KIF26B: variants seen among roughly 807,000 people sequenced by gnomAD.
KIF26B encodes kinesin family member 26B.
KIF26B carries 63 observed loss-of-function variants against 151.2 expected under a neutral mutation model. The ratio of observed to expected loss-of-function variants is 0.42; its 90% CI spans 0.34 to 0.51. The LOEUF is 0.51. Among genes scored for constraint, KIF26B ranks in the 20% least tolerant of loss-of-function variants. The probability of loss-of-function intolerance (pLI) is 0.07; values close to 1 mark genes in which losing one functional copy is unlikely to be tolerated. For synonymous variants in KIF26B, 1,357 were observed against 1,262.1 expected, an observed-to-expected ratio of 1.08 and a Z score of -1.59; for missense variants, 2,813 against 2,913.6, an observed-to-expected ratio of 0.97 and a Z score of 0.79.
intron 3 of KIF26B, among the ~76,000 whole-genome samples, chr1:245,417,595 A>T (rs560945274): frequency 2.1e-4 from 32 of 152,344 alleles, no homozygotes; most frequent in African/African-American, 7.7e-4. Context: ...GATTCTTTAA[A>T]ATTAGGAGAA....
chr1:245,338,926 G>A (rs945898076), intron 2 of KIF26B, among the ~76,000 whole-genome samples: 14 of 151,826 alleles, frequency 9.2e-5, no homozygotes, highest in Middle Eastern at 3.2e-3. Context: ...ATTGGTACTA[G>A]AAGTTGACTG....
Position 245,156,698 on chromosome 1 carries a change from G to T in KIF26B, c.465+15G>T, listed in dbSNP as rs1668442680. ...TCCCGGGCAAGGTGAGCGCCGCGCGGGGCTGGCTGGGGAGGCGCCGGGAGG... is the reference window on the plus strand; with the variant it reads ...TCCCGGGCAAGGTGAGCGCCGCGCGTGGCTGGCTGGGGAGGCGCCGGGAGG... On this transcript the variant is annotated intron_variant, in intron 2 of 14. Transcript: ENST00000407071. 1 of 1,438,986 alleles carries T rather than the reference G, an allele frequency of 6.9e-7. No individual in the cohort carries two copies. Among genetic ancestry groups the T allele is most frequent in the Admixed American group, 2.8e-5 (1 of 36,316 alleles). The allele number at this position is 1,438,986 out of a possible 1,614,324, so 89.1% of individuals were successfully genotyped here.
intron 3 of KIF26B, among the ~76,000 whole-genome samples, chr1:245,413,568 C>T (rs569126304): frequency 6.6e-6 from 1 of 152,272 alleles, no homozygotes; most frequent in South Asian, 2.1e-4. Flanking sequence ...GAGGCTGAGG[C>T]GGGAGAATCG....
intron 2 of KIF26B, among the ~76,000 whole-genome samples, chr1:245,252,740 T>G (rs1670467043): frequency 6.6e-6 from 1 of 152,102 alleles, no homozygotes; most frequent in Admixed American, 6.5e-5. Flanking sequence ...TGACTTTTCT[T>G]GTCATATTCT....
At chr1:245,171,332 G>A (rs1044014306) in intron 2 of KIF26B, among the ~76,000 whole-genome samples, 3 of 152,002 alleles carry the variant, frequency 2.0e-5, no homozygotes, top group South Asian at 2.1e-4. Flanking sequence ...TCACGATGTC[G>A]GGAGTTCGAA....
chr1:245,707,403 C>T lies in KIF26B; in HGVS notation c.*4797C>T, dbSNP rs1361790470. On this transcript the variant is annotated 3_prime_UTR_variant, in exon 15 of 15. Transcript: ENST00000407071. Reference sequence around the variant, plus strand: ...ACTAAAAAAGGTTCCTTCTTTCATTCCCTATCCTGCTAACAGCCCACATTG... The same window carrying T: ...ACTAAAAAAGGTTCCTTCTTTCATTTCCTATCCTGCTAACAGCCCACATTG... 2 of 152,228 alleles carry T rather than the reference C, an allele frequency of 1.3e-5. No individual in the cohort carries two copies. Among genetic ancestry groups the T allele is most frequent in the African/African-American group, 2.4e-5 (1 of 41,460 alleles). 9.4% of individuals were successfully genotyped at this position (152,228 alleles called of 1,614,324 possible).
rs570168790 is a variant in KIF26B, at chr1:245,591,968, C to G, written c.1351-10609C>G. On this transcript the variant is annotated intron_variant, in intron 5 of 14. Transcript: ENST00000407071. ...TGGTTTCAACTCCCTCCCTCCAGCGCGCAGTCCCTTGCCGGGCTTGCCTGG... is the reference window on the plus strand; with the variant it reads ...TGGTTTCAACTCCCTCCCTCCAGCGGGCAGTCCCTTGCCGGGCTTGCCTGG... 2.0e-5 allele frequency among the ~76,000 whole-genome samples: 3 copies of G among 152,316 alleles called. No homozygotes were observed. In the East Asian group the frequency reaches 5.8e-4, roughly 29 times the overall value.
intron 5 of KIF26B, among the ~76,000 whole-genome samples, chr1:245,567,971 G>A (rs978055423): frequency 6.6e-6 from 1 of 151,846 alleles, no homozygotes; most frequent in Admixed American, 6.6e-5. Context: ...ATCACCTGCG[G>A]TCTGGAGTTC....
At chr1:245,605,990 T>C (rs570597988) in intron 6 of KIF26B, among the ~76,000 whole-genome samples, 1 of 152,306 alleles carries the variant, frequency 6.6e-6, no homozygotes, top group South Asian at 2.1e-4. Context: ...CATCCCACTT[T>C]ATGTCCAAAG....
At chr1:245,452,284 A>C (rs1461487533) in intron 4 of KIF26B, among the ~76,000 whole-genome samples, 1 of 152,248 alleles carries the variant, frequency 6.6e-6, no homozygotes, top group African/African-American at 2.4e-5. Context: ...GTATGGCTGA[A>C]TAACAGCATA....
chr1:245,332,272 T>C (rs1439656890), intron 2 of KIF26B, among the ~76,000 whole-genome samples: 1 of 152,174 alleles, frequency 6.6e-6, no homozygotes, highest in African/African-American at 2.4e-5. Context: ...CAACCTCTCT[T>C]TGAACTGTTG....
At chr1:245,444,149 C>A (rs192917510) in intron 4 of KIF26B, among the ~76,000 whole-genome samples, 7 of 108,076 alleles carry the variant, frequency 6.5e-5, no homozygotes, top group African/African-American at 2.0e-4. Flanking sequence ...TCACCTAGAG[C>A]GGTCATCTCC....
chr1:245,416,510 C>T (rs1012335865), intron 3 of KIF26B, among the ~76,000 whole-genome samples: 1 of 152,118 alleles, frequency 6.6e-6, no homozygotes, highest in African/African-American at 2.4e-5. Context: ...GACCTAGAGA[C>T]CTGGGGCTTT....
At chr1:245,450,513 G>A (rs1193861380) in intron 4 of KIF26B, among the ~76,000 whole-genome samples, 1 of 152,232 alleles carries the variant, frequency 6.6e-6, no homozygotes, top group Admixed American at 6.5e-5. Flanking sequence ...TGTCCAGCCA[G>A]CCTGCGGCTG....
intron 9 of KIF26B, among the ~76,000 whole-genome samples, chr1:245,637,633 A>C (rs908710826): frequency 1.3e-5 from 2 of 151,878 alleles, no homozygotes; most frequent in African/African-American, 4.8e-5. Flanking sequence ...GCAGTTTCAT[A>C]GTTTCAGGTT....
At chr1:245,289,583 T>C (rs1008346599) in intron 2 of KIF26B, among the ~76,000 whole-genome samples, 1 of 152,168 alleles carries the variant, frequency 6.6e-6, no homozygotes, top group Admixed American at 6.5e-5. Context: ...GAAGTCTTTT[T>C]TCCCCTTGAA....
chr1:245,617,016 T>G (rs749830293), intron 9 of KIF26B, among the ~76,000 whole-genome samples: 2 of 152,220 alleles, frequency 1.3e-5, no homozygotes, highest in Non-Finnish European at 2.9e-5. Flanking sequence ...CAAATGTATG[T>G]GCACATGGGC....
At position 245,684,436 on chromosome 1, in the gene KIF26B, C is replaced by A. The variant is rs1027544226; in HGVS notation, c.2421+41C>A. On this transcript the variant is annotated intron_variant, in intron 11 of 14. Coordinates refer to ENST00000407071, the MANE Select transcript of KIF26B (RefSeq NM_018012.4). ...GGTGGGGGGGTGGTGGATGAGGGAG[C>A]CTTTGGAGCCGTGCCCTGGAACAGA... is the stretch of plus-strand genomic sequence containing the variant. 5.9e-6 allele frequency: 9 copies of A among 1,531,694 alleles called. No individual in the cohort carries two copies. The African/African-American group carries it at 1.2e-4, about 21-fold the overall frequency. The allele number at this position is 1,531,694 out of a possible 1,614,324, so 94.9% of individuals were successfully genotyped here.
At chr1:245,319,467 C>T (rs1276563213) in intron 2 of KIF26B, among the ~76,000 whole-genome samples, 2 of 151,758 alleles carry the variant, frequency 1.3e-5, no homozygotes, top group Non-Finnish European at 2.9e-5. Flanking sequence ...GAGGTGACTT[C>T]ATTCTTACAT....
Sources: gnomAD v4.1 joint callset for allele counts (sites outside exome capture counted in the v4.1 genomes callset) on GRCh38, gnomAD v4.1.1 for gene constraint, MANE v1.5 for transcripts, NCBI Gene and HGNC (gene_info 2026-07-23, HGNC 2026-07-21) for gene names.